BAHCC1: variants seen among roughly 807,000 people sequenced by gnomAD.
The protein encoded by BAHCC1 is BAH and coiled-coil domain-containing protein 1.
A neutral mutation model predicts 88.2 loss-of-function variants in BAHCC1; 43 were observed. The observed-to-expected ratio is 0.49, with a 90% confidence interval of 0.38 to 0.63. BAHCC1 has a LOEUF of 0.63. BAHCC1 is among the 20% of genes least tolerant of loss of function. BAHCC1 has a pLI of 0.00. For missense variants in BAHCC1, 3,023 were observed against 1,654.8 expected (o/e 1.83, Z -14.34); for synonymous variants, 1,510 against 745.5 (o/e 2.03, Z -16.71).
At chr17:81,404,940 G>A (rs575095315) in intron 2 of BAHCC1, among the ~76,000 whole-genome samples, 26 of 152,262 alleles carry the variant, frequency 1.7e-4, no homozygotes, top group African/African-American at 3.1e-4. Flanking sequence ...TCCTCTCTGC[G>A]GACTTTTTAG....
At chr17:81,406,097 C>T (rs1178829512) in intron 2 of BAHCC1, among the ~76,000 whole-genome samples, 3 of 152,338 alleles carry the variant, frequency 2.0e-5, no homozygotes, top group South Asian at 2.1e-4. Flanking sequence ...AGCTGCCTGC[C>T]TTCTTAATGG....
chr17:81,417,313 A>G (rs1194241792), intron 2 of BAHCC1, among the ~76,000 whole-genome samples: 9 of 151,938 alleles, frequency 5.9e-5, no homozygotes, highest in Non-Finnish European at 2.9e-5. Context: ...TTGCATTCCC[A>G]CGCCCCTGGC....
intron 2 of BAHCC1, among the ~76,000 whole-genome samples, chr17:81,419,999 G>A (rs566924155): frequency 6.6e-6 from 1 of 152,246 alleles, no homozygotes; most frequent in East Asian, 1.9e-4. Flanking sequence ...AGGAGAGTGG[G>A]GTGGGGCACA....
At chr17:81,408,832 G>C (rs1399746144) in intron 2 of BAHCC1, among the ~76,000 whole-genome samples, 1 of 152,192 alleles carries the variant, frequency 6.6e-6, no homozygotes, top group Non-Finnish European at 1.5e-5. Flanking sequence ...TTTCCTGGGA[G>C]ACTGCAGGCT....
At chr17:81,431,448 C>G (rs1207249350) in intron 3 of BAHCC1, among the ~76,000 whole-genome samples, 1 of 152,236 alleles carries the variant, frequency 6.6e-6, no homozygotes, top group Non-Finnish European at 1.5e-5. Context: ...AGGTCCACAC[C>G]TGGCAGAGGG....
At chr17:81,454,409 G>A (rs2064704795) in intron 14 of BAHCC1, among the ~76,000 whole-genome samples, 4 of 152,196 alleles carry the variant, frequency 2.6e-5, no homozygotes. Context: ...CTCCATCTGG[G>A]AGGGGCCAGG....
chr17:81,411,059 C>T lies in BAHCC1; in HGVS notation c.178+11142C>T, dbSNP rs781983665. On this transcript the variant is annotated intron_variant, in intron 2 of 27. Coordinates refer to ENST00000675386, the MANE Select transcript of BAHCC1 (RefSeq NM_001377448.1). This position sits in a 1 kb window ranked among gnomAD's most constrained non-coding sequence, Gnocchi z 6.2. ...CCTGGGGCCCCCGTGCGCCTCCCCT[C>T]GGGCCTGAGGGGTCCCTCTCTCTGG... 1.3e-5 allele frequency: 7 copies of T among 518,828 alleles called. No homozygotes were observed. The highest frequency in any genetic ancestry group is 7.7e-5 in the African/African-American group (4 of 51,928). The allele number at this position is 518,828 out of a possible 1,614,324, so 32.1% of individuals were successfully genotyped here.
In BAHCC1 at chr17:81,435,093, C is replaced by T. The variant is rs1466858883; in HGVS notation, c.359-3277C>T. Among the ~76,000 whole-genome samples the T allele has an allele frequency of 2.0e-5, 3 of 152,042 alleles. No individual in the cohort carries two copies. The highest frequency in any genetic ancestry group is 4.4e-5 in the Non-Finnish European group (3 of 67,962). On this transcript the variant is annotated intron_variant, in intron 3 of 27. Coordinates refer to ENST00000675386, the MANE Select transcript of BAHCC1 (RefSeq NM_001377448.1). The surrounding 1 kb of genome is among the most constrained non-coding windows in gnomAD (Gnocchi z 4.4). ...ACTCCTCTGTCCTTCAGCCCTGCCC[C>T]AGGGGCACCCCCGACCCCCACTGAC...
Position 81,452,091 on chromosome 17 carries a change from C to A in BAHCC1, c.4300C>A (p.Arg1434Ser). ...GCAGCGGGAGCTGGCCCGCCTGCAG[C>A]GCAAGCACGACCATGAGTACGCCTG... ...EKQRELARLQ[R>S]KHDHERDESS... The change falls in exon 13 of 28, where the codon CGC becomes AGC. Residue 1434 changes from arginine to serine, a missense_variant. Arg to Ser is a moderately radical substitution (Grantham distance 110, BLOSUM62 -1). Coordinates refer to ENST00000675386, the MANE Select transcript of BAHCC1 (RefSeq NM_001377448.1). The A allele has an allele frequency of 1.6e-6, 1 of 634,468 alleles. No individual in the cohort carries two copies. Among genetic ancestry groups the A allele is most frequent in the Non-Finnish European group, 2.8e-6 (1 of 358,976 alleles). 39.3% of individuals were successfully genotyped at this position (634,468 alleles called of 1,614,324 possible).
chr17:81,407,608 G>A (rs942334735), intron 2 of BAHCC1, among the ~76,000 whole-genome samples: 1 of 152,216 alleles, frequency 6.6e-6, no homozygotes, highest in Non-Finnish European at 1.5e-5. Flanking sequence ...TGCGCTGTGG[G>A]GCAGGTCCCC....
chr17:81,452,891 G>A (rs782133080), intron 14 of BAHCC1, 40 bp downstream of exon 14: 14 of 685,278 alleles, frequency 2.0e-5, no homozygotes, highest in East Asian at 2.9e-5. Context: ...GCGTGTGGCC[G>A]GCCCTGGGCC....
chr17:81,399,769 G>A lies in BAHCC1; in HGVS notation c.30G>A (p.Pro10=), dbSNP rs1257382164. The change falls in exon 2 of 28, where the codon CCG becomes CCA. Residue 10 remains proline (P), a synonymous_variant. Transcript: ENST00000675386. This position sits in a 1 kb window ranked among gnomAD's most constrained non-coding sequence, Gnocchi z 4.5. MDGRDFAPP[P]HLLSERGSLG... is the part of the protein sequence containing the mutation. ...ATGGCCGCGACTTTGCGCCGCCGCC[G>A]CATCTGCTGTCGGAGCGCGGGAGCC... The A allele has an allele frequency of 3.0e-5, 36 of 1,213,420 alleles. No individual in the cohort carries two copies. Among genetic ancestry groups the A allele is most frequent in the Admixed American group, 4.2e-5 (1 of 23,764 alleles). 75.2% of individuals were successfully genotyped at this position (1,213,420 alleles called of 1,614,324 possible).
rs1036126800 is a variant in BAHCC1 at position 81,448,637 on chromosome 17, G to A, written c.3976+789G>A. 2.0e-5 allele frequency among the ~76,000 whole-genome samples: 3 copies of A among 152,154 alleles called. No individual in the cohort carries two copies. In the South Asian group the frequency reaches 6.2e-4, roughly 32 times the overall value. On this transcript the variant is annotated intron_variant, in intron 11 of 27. Transcript: ENST00000675386. ...TTCAGGGCTCGGCCGCTGCTTTCTG[G>A]ATGCATAAAGCTCACCACCGCGATG...
chr17:81,416,508 CGT>C (rs1159645313), intron 2 of BAHCC1, among the ~76,000 whole-genome samples: 7 of 109,592 alleles, frequency 6.4e-5, no homozygotes, highest in Non-Finnish European at 1.1e-4. Context: ...TGCATGTGTG[CGT>C]GTGTGTCCAT....
At chr17:81,406,225 C>T (rs781941756) in intron 2 of BAHCC1, among the ~76,000 whole-genome samples, 5 of 152,240 alleles carry the variant, frequency 3.3e-5, no homozygotes, top group African/African-American at 4.8e-5. Context: ...GTCCGAAACC[C>T]TTGGCTCCTG....
chr17:81,438,271 C>A (rs1474586350), intron 3 of BAHCC1, 99 bp from the exon 4 acceptor site: 1 of 729,254 alleles, frequency 1.4e-6, no homozygotes, highest in Non-Finnish European at 2.5e-6. Context: ...GGACATCGCT[C>A]CTGGGCTGCC....
chr17:81,422,160 C>T (rs945692790), intron 2 of BAHCC1, among the ~76,000 whole-genome samples: 1 of 152,128 alleles, frequency 6.6e-6, no homozygotes, highest in Admixed American at 6.5e-5. Flanking sequence ...TACAGGTGCG[C>T]ACCACCATGC....
chr17:81,462,656 A>G (rs2143671351), intron 26 of BAHCC1, 84 bp from the exon 27 acceptor site: 1 of 683,730 alleles, frequency 1.5e-6, no homozygotes, highest in Non-Finnish European at 2.7e-6. Flanking sequence ...TCACACCCAC[A>G]CCACACCCTC....
chr17:81,463,011 T>C, intron 27 of BAHCC1, 35 bp downstream of exon 27: 1 of 766,628 alleles, frequency 1.3e-6, no homozygotes, highest in Non-Finnish European at 2.4e-6. Context: ...CCAGCCCCCC[T>C]CGGGGCCCCA....
Sources: gnomAD v4.1 joint callset for allele counts (sites outside exome capture counted in the v4.1 genomes callset) on GRCh38, gnomAD v4.1.1 for gene constraint, Gnocchi (gnomAD v3.1) non-coding constraint, MANE v1.5 for transcripts, NCBI Gene and HGNC (gene_info 2026-07-23, HGNC 2026-07-21) for gene names.